The following DCC variants were observed in gnomAD, a reference collection of about 807,000 sequenced individuals.
DCC encodes the protein DCC netrin 1 receptor.
DCC carries 58 observed loss-of-function variants against 172.5 expected under a neutral mutation model. The observed-to-expected ratio is 0.34, with a 90% CI of 0.27 to 0.42. The LOEUF (loss-of-function observed/expected upper bound fraction) is 0.42, where lower values mean the gene tolerates loss of function less well. Among genes scored for constraint, DCC ranks in the 10% least tolerant of loss-of-function variants. The probability of loss-of-function intolerance (pLI) is 1.00; values close to 1 mark genes in which losing one functional copy is unlikely to be tolerated. For missense variants in DCC, 1,740 were observed against 1,791.0 expected (o/e 0.97, Z 0.51); for synonymous variants, 709 against 644.5 (o/e 1.10, Z -1.52).
intron 1 of DCC, among the ~76,000 whole-genome samples, chr18:52,717,430 CTTTTTTTTTT>C (rs59202776): frequency 1.6e-5 from 2 of 123,414 alleles, no homozygotes; most frequent in Non-Finnish European, 3.2e-5. Context: ...TTCTAAATTT[CTTTTTTTTTT>C]TTTTTTTTCC....
chr18:52,477,205 A>G (rs1989119042), intron 1 of DCC, among the ~76,000 whole-genome samples: 1 of 152,134 alleles, frequency 6.6e-6, no homozygotes, highest in South Asian at 2.1e-4. Flanking sequence ...CTTCTGTGAA[A>G]GAATGGACTT....
At chr18:53,028,940 C>CT (rs2041992045) in intron 5 of DCC, among the ~76,000 whole-genome samples, 1 of 152,084 alleles carries the variant, frequency 6.6e-6, no homozygotes, top group Non-Finnish European at 1.5e-5. Context: ...CCAGTTTTTT[C>CT]TTTTTCCATT....
At position 52,752,264 on chromosome 18, in the gene DCC, A is replaced by G; in HGVS notation, c.302A>G (p.Asn101Ser). 2 of 1,614,212 alleles carry G rather than the reference A, an allele frequency of 1.2e-6. No individual in the cohort carries two copies. The highest frequency in any genetic ancestry group is 1.7e-6 in the Non-Finnish European group (2 of 1,180,036). Residue 101 changes from asparagine to serine, a missense_variant, in exon 2 of 29, where the codon AAC becomes AGC. Physicochemically the swap from Asn to Ser is conservative, Grantham distance 46. This residue lies in a region of DCC where 1,732 missense variants were observed against 1,767.4 expected (regional missense o/e 0.98). Transcript: ENST00000442544. ...TCAAATGGGTCTCTGCTGATACAAA[A>G]CATACTTCATTCCAGACACCACAAG... The part of the protein sequence containing the change: ...QLSNGSLLIQ[N>S]ILHSRHHKPD...
chr18:52,859,726 G>C (rs1431667607), intron 2 of DCC, among the ~76,000 whole-genome samples: 1 of 152,142 alleles, frequency 6.6e-6, no homozygotes, highest in Non-Finnish European at 1.5e-5. Context: ...AATTTTCAAG[G>C]CTACTTCTGT....
chr18:53,451,508 T>C (rs190044145), intron 23 of DCC, among the ~76,000 whole-genome samples: 175 of 152,300 alleles, frequency 1.1e-3, no homozygotes, highest in African/African-American at 3.9e-3. Context: ...ACTCTCTCAC[T>C]GAGTTGACTA....
intron 2 of DCC, among the ~76,000 whole-genome samples, chr18:52,815,105 CTT>C (rs761522147): frequency 1.3e-5 from 2 of 152,070 alleles, no homozygotes; most frequent in Non-Finnish European, 2.9e-5. Context: ...TAGTAAAAGA[CTT>C]TATGATGAGA....
Position 52,951,095 on chromosome 18 carries a change from G to A in DCC, c.985+25725G>A, listed in dbSNP as rs545402808. Among the ~76,000 whole-genome samples the A allele has an allele frequency of 1.8e-3, 266 of 151,974 alleles. 1 individual carries two copies. Among genetic ancestry groups the A allele is most frequent in the Non-Finnish European group, 2.8e-3 (193 of 68,006 alleles). On this transcript the variant is annotated intron_variant, in intron 5 of 28. Coordinates refer to ENST00000442544, the MANE Select transcript of DCC (RefSeq NM_005215.4). ...TTGCTCGGTCCTGCATTGCCAGCAA[G>A]CTAGAAGCCACTGTTCGGTAATGTT... is the stretch of plus-strand genomic sequence containing the variant.
chr18:52,673,829 C>T (rs1209997597), intron 1 of DCC, among the ~76,000 whole-genome samples: 3 of 152,158 alleles, frequency 2.0e-5, no homozygotes. Flanking sequence ...AACTCTTCTA[C>T]CTTAGGGTTA....
Position 52,426,507 on chromosome 18 carries a change from C to T in DCC, c.91+85629C>T, listed in dbSNP as rs112701564. Reference sequence around the variant, plus strand: ...ACACTGAAAAAGAGTCTATGTTTTCCCAGAAATAAACCCCCAAAGAAAGTG... The same window carrying T: ...ACACTGAAAAAGAGTCTATGTTTTCTCAGAAATAAACCCCCAAAGAAAGTG... On this transcript the variant is annotated intron_variant, in intron 1 of 28. Coordinates refer to ENST00000442544, the MANE Select transcript of DCC (RefSeq NM_005215.4). Among the ~76,000 whole-genome samples, 694 of 151,492 alleles carry T rather than the reference C, an allele frequency of 4.6e-3. 4 individuals are homozygous for T. The highest frequency in any genetic ancestry group is 7.1e-3 in the Non-Finnish European group (479 of 67,824).
intron 5 of DCC, among the ~76,000 whole-genome samples, chr18:52,973,853 C>T (rs1434816808): frequency 6.6e-6 from 1 of 152,002 alleles, no homozygotes; most frequent in African/African-American, 2.4e-5. Context: ...TCTTTCATTT[C>T]TATAGGAGTG....
chr18:52,551,579 T>A (rs2032771182), intron 1 of DCC, among the ~76,000 whole-genome samples: 2 of 152,014 alleles, frequency 1.3e-5, no homozygotes, highest in South Asian at 4.1e-4. Context: ...GAGGGAAAGA[T>A]GTTCTTCCTA....
chr18:53,409,202 C>T (rs1038792503), intron 19 of DCC, among the ~76,000 whole-genome samples: 18 of 151,974 alleles, frequency 1.2e-4, no homozygotes, highest in African/African-American at 4.4e-4. Flanking sequence ...CTTCCTGTAG[C>T]GAAGGTTTGT....
intron 1 of DCC, among the ~76,000 whole-genome samples, chr18:52,616,189 C>A (rs2034378827): frequency 6.6e-6 from 1 of 152,072 alleles, no homozygotes; most frequent in Non-Finnish European, 1.5e-5. Context: ...TTTCAGAATT[C>A]GAACTAGGAT....
At chr18:52,733,047 T>C (rs993305780) in intron 1 of DCC, among the ~76,000 whole-genome samples, 2 of 152,178 alleles carry the variant, frequency 1.3e-5, no homozygotes, top group African/African-American at 4.8e-5. Context: ...CATGCTTAAC[T>C]GTAGGTTGCT....
At chr18:53,123,554 T>G (rs998997954) in intron 7 of DCC, among the ~76,000 whole-genome samples, 1 of 152,116 alleles carries the variant, frequency 6.6e-6, no homozygotes, top group Non-Finnish European at 1.5e-5. Context: ...AATGACTTCT[T>G]AGTTTATTCC....
At chr18:52,692,146 G>T (rs559226611) in intron 1 of DCC, among the ~76,000 whole-genome samples, 1 of 152,232 alleles carries the variant, frequency 6.6e-6, no homozygotes, top group African/African-American at 2.4e-5. Context: ...AACTTAGGAG[G>T]TGGGCTTTGG....
intron 1 of DCC, among the ~76,000 whole-genome samples, chr18:52,674,086 A>C (rs1280251880): frequency 6.6e-6 from 1 of 152,280 alleles, no homozygotes; most frequent in Middle Eastern, 3.4e-3. Context: ...CCATTGACCA[A>C]AGGAAGTCAT....
intron 1 of DCC, among the ~76,000 whole-genome samples, chr18:52,694,402 G>C (rs950997948): frequency 6.6e-6 from 1 of 151,998 alleles, no homozygotes; most frequent in Non-Finnish European, 1.5e-5. Context: ...ATAAAAATCT[G>C]AATTTCAGTT....
intron 7 of DCC, among the ~76,000 whole-genome samples, chr18:53,068,551 A>T (rs952332407): frequency 5.9e-5 from 9 of 151,948 alleles, no homozygotes; most frequent in Admixed American, 5.9e-4. Context: ...CATAAAGCTG[A>T]TGACAATGCA....
Sources: gnomAD v4.1 joint callset for allele counts (sites outside exome capture counted in the v4.1 genomes callset) on GRCh38, gnomAD v4.1.1 for gene constraint, gnomAD v4.1.1 regional missense constraint, MANE v1.5 for transcripts, NCBI Gene and HGNC (gene_info 2026-07-23, HGNC 2026-07-21) for gene names.